The following TCERG1L variants were observed in gnomAD, a reference collection of about 807,000 sequenced individuals.
The protein encoded by TCERG1L is transcription elongation regulator 1 like.
Under a neutral mutation model 56.3 loss-of-function variants are expected in TCERG1L, and 37 were observed. The ratio of observed to expected loss-of-function variants is 0.66; its 90% CI spans 0.51 to 0.87. TCERG1L has a LOEUF of 0.87. TCERG1L is among the 40% of genes least tolerant of loss of function. The pLI is 0.00. For synonymous variants in TCERG1L, 324 were observed against 326.3 expected (o/e 0.99, Z 0.08); for missense variants, 799 against 774.2 (o/e 1.03, Z -0.38).
chr10:131,108,051 G>A (rs559635630), intron 9 of TCERG1L, among the ~76,000 whole-genome samples: 8 of 152,052 alleles, frequency 5.3e-5, no homozygotes, highest in South Asian at 4.2e-4. Context: ...AAGAAAGCCC[G>A]TCAACTGAGT....
At chr10:131,149,552 CA>C (rs1401208903) in intron 6 of TCERG1L, among the ~76,000 whole-genome samples, 1 of 152,186 alleles carries the variant, frequency 6.6e-6, no homozygotes, top group Non-Finnish European at 1.5e-5. Context: ...CAGCATGGGC[CA>C]ATAGGGAACA....
chr10:131,100,063 C>A (rs1022021248), intron 10 of TCERG1L, among the ~76,000 whole-genome samples: 35 of 152,046 alleles, frequency 2.3e-4, no homozygotes, highest in Non-Finnish European at 3.7e-4. Context: ...GACAGGGTTT[C>A]ACCATGTTGG....
chr10:131,294,227 AC>A (rs1236895823), intron 3 of TCERG1L, among the ~76,000 whole-genome samples: 2 of 152,026 alleles, frequency 1.3e-5, no homozygotes, highest in Non-Finnish European at 2.9e-5. Flanking sequence ...AACAGCAGTC[AC>A]CTCCCTGCCC....
chr10:131,163,139 CG>C lies in TCERG1L; in HGVS notation c.1016del (p.Pro339ArgfsTer35). 1 of 1,578,862 alleles carries C rather than the reference CG, an allele frequency of 6.3e-7. No individual in the cohort carries two copies. The highest frequency in any genetic ancestry group is 8.6e-7 in the Non-Finnish European group (1 of 1,162,176). On this transcript the variant is annotated frameshift_variant, in exon 6 of 12. Coordinates refer to ENST00000368642, the MANE Select transcript of TCERG1L (RefSeq NM_174937.4). LOFTEE classifies it high-confidence loss of function. Reference sequence around the variant, plus strand: ...TGTCTTACCAGGGGGATCCGGGCACCGGGGTGGAGGCCACTGGCCTGTTGCC... The same window carrying C: ...TGTCTTACCAGGGGGATCCGGGCACCGGGTGGAGGCCACTGGCCTGTTGCC... ...ARGNRPVASTPVPGSPWCVVW... is the reference protein window; with the variant it reads ...ARGNRPVASTXVPGSPWCVVW...
At chr10:131,174,825 C>T (rs533973344) in intron 4 of TCERG1L, among the ~76,000 whole-genome samples, 6 of 152,272 alleles carry the variant, frequency 3.9e-5, no homozygotes, top group African/African-American at 1.4e-4. Context: ...GAGGCAACTC[C>T]ACCTTTTAAC....
intron 8 of TCERG1L, among the ~76,000 whole-genome samples, chr10:131,133,731 G>T (rs1845644853): frequency 6.6e-6 from 1 of 152,192 alleles, no homozygotes; most frequent in Non-Finnish European, 1.5e-5. Context: ...CACAGGAGGG[G>T]TTAAAGGGCA....
At chr10:131,138,885 G>A (rs914431985) in intron 7 of TCERG1L, among the ~76,000 whole-genome samples, 1 of 152,172 alleles carries the variant, frequency 6.6e-6, no homozygotes, top group Non-Finnish European at 1.5e-5. Context: ...AGGACAACTT[G>A]TTCTATGGCA....
intron 3 of TCERG1L, among the ~76,000 whole-genome samples, chr10:131,279,186 TG>T (rs1275022066): frequency 6.6e-6 from 1 of 152,162 alleles, no homozygotes; most frequent in Non-Finnish European, 1.5e-5. Flanking sequence ...ATACAGTGCC[TG>T]GCACACAACT....
At chr10:131,297,533 T>C (rs952848380) in intron 3 of TCERG1L, among the ~76,000 whole-genome samples, 4 of 152,208 alleles carry the variant, frequency 2.6e-5, no homozygotes, top group African/African-American at 9.6e-5. Flanking sequence ...GGTCTGCTAT[T>C]TTCTCTCTGT....
intron 6 of TCERG1L, among the ~76,000 whole-genome samples, chr10:131,151,104 C>T (rs1465836946): frequency 1.3e-5 from 2 of 152,192 alleles, no homozygotes; most frequent in African/African-American, 4.8e-5. Context: ...GGTGGGGACA[C>T]AAAGCCAAAC....
At chr10:131,131,466 T>G (rs953480664) in intron 8 of TCERG1L, among the ~76,000 whole-genome samples, 20 of 152,192 alleles carry the variant, frequency 1.3e-4, no homozygotes, top group Non-Finnish European at 8.8e-5. Flanking sequence ...CCAGGGAAGA[T>G]GCATCGTCTT....
intron 8 of TCERG1L, among the ~76,000 whole-genome samples, chr10:131,128,592 G>A (rs562429772): frequency 2.0e-5 from 3 of 152,194 alleles, no homozygotes; most frequent in Non-Finnish European, 2.9e-5. Context: ...AACCGATGCA[G>A]TATTTTGGAA....
At chr10:131,262,005 G>A (rs562788822) in intron 3 of TCERG1L, among the ~76,000 whole-genome samples, 4 of 152,250 alleles carry the variant, frequency 2.6e-5, no homozygotes, top group Non-Finnish European at 5.9e-5. Flanking sequence ...CCTTCCAGGA[G>A]CTGCAAGGAA....
Position 131,163,217 on chromosome 10 carries a change from A to G in TCERG1L, c.946-7T>C. On this transcript the variant is annotated splice_polypyrimidine_tract_variant and splice_region_variant and intron_variant, in intron 5 of 11. Coordinates refer to ENST00000368642, the MANE Select transcript of TCERG1L (RefSeq NM_174937.4). ...CCAGCATCGGTGGAGGCTCCTTTCA[A>G]CAGAAAGAGACAGGGGAGTGGCTTT... 2 of 1,520,498 alleles carry G rather than the reference A, an allele frequency of 1.3e-6. No homozygotes were observed. The highest frequency in any genetic ancestry group is 1.8e-6 in the Non-Finnish European group (2 of 1,136,554). The allele number at this position is 1,520,498 out of a possible 1,614,324, so 94.2% of individuals were successfully genotyped here.
chr10:131,251,672 A>ACTTAATGCTGTT (rs1334848322), intron 4 of TCERG1L, among the ~76,000 whole-genome samples: 1 of 152,208 alleles, frequency 6.6e-6, no homozygotes, highest in African/African-American at 2.4e-5. Context: ...ACTGTTTCTT[A>ACTTAATGCTGTT]CTTAATGCTG....
chr10:131,310,915 A>C (rs534927950), intron 1 of TCERG1L, among the ~76,000 whole-genome samples: 31 of 152,368 alleles, frequency 2.0e-4, no homozygotes, highest in African/African-American at 7.2e-4. Context: ...AGAGACTGTG[A>C]AAGTCCTAAC....
At chr10:131,252,898 T>C (rs910355902) in intron 4 of TCERG1L, among the ~76,000 whole-genome samples, 1 of 152,214 alleles carries the variant, frequency 6.6e-6, no homozygotes, top group Non-Finnish European at 1.5e-5. Flanking sequence ...CCTTCCTCCC[T>C]GATCTGTCTA....
chr10:131,278,689 C>T (rs537067839), intron 3 of TCERG1L, among the ~76,000 whole-genome samples: 9 of 152,272 alleles, frequency 5.9e-5, no homozygotes, highest in Middle Eastern at 3.4e-3. Context: ...TCTTCCCTGC[C>T]GCGGAGTCAC....
At chr10:131,309,070 A>G (rs1401158879) in intron 2 of TCERG1L, 83 bp downstream of exon 2, 3 of 1,476,342 alleles carry the variant, frequency 2.0e-6, no homozygotes, top group East Asian at 2.4e-5. Flanking sequence ...AAGAAAATAC[A>G]TGGGTATTTT....
Sources: gnomAD v4.1 joint callset for allele counts (sites outside exome capture counted in the v4.1 genomes callset) on GRCh38, gnomAD v4.1.1 for gene constraint, MANE v1.5 for transcripts, NCBI Gene and HGNC (gene_info 2026-07-23, HGNC 2026-07-21) for gene names.